GALNT2: variants seen among roughly 807,000 people sequenced by gnomAD.
The protein encoded by GALNT2 is polypeptide N-acetylgalactosaminyltransferase 2.
Under a neutral mutation model 81.4 loss-of-function variants are expected in GALNT2, and 31 were observed. The ratio of observed to expected loss-of-function variants is 0.38; its 90% CI spans 0.29 to 0.51. The LOEUF (loss-of-function observed/expected upper bound fraction) is 0.51, where lower values mean the gene tolerates loss of function less well. GALNT2 is among the 20% of genes least tolerant of loss of function. GALNT2 has a pLI of 0.87. For missense variants in GALNT2, 629 were observed against 765.7 expected (o/e 0.82, Z 2.11); for synonymous variants, 303 against 287.4 (o/e 1.05, Z -0.55).
At position 230,252,428 on chromosome 1, in the gene GALNT2, G is replaced by A. The variant is rs533998051; in HGVS notation, c.1009+1868G>A. On this transcript the variant is annotated intron_variant, in intron 10 of 15. Transcript: ENST00000366672. ...CCTTAACTCTAACAATGGGGGTAAG[G>A]CTCCTTGGGGGCATCATCTGTGTTT... 3.3e-5 allele frequency among the ~76,000 whole-genome samples: 5 copies of A among 152,224 alleles called. No individual in the cohort carries two copies. The South Asian group carries it at 1.0e-3, about 32-fold the overall frequency.
At chr1:230,207,912 CTTTT>C (rs71985436) in intron 3 of GALNT2, among the ~76,000 whole-genome samples, 16,440 of 152,052 alleles carry the variant, frequency 0.11, 1,799 homozygotes, top group East Asian at 0.56. Context: ...CATTTCTTTT[CTTTT>C]TATTTTTAAA....
At chr1:230,211,179 C>T (rs922148955) in intron 3 of GALNT2, among the ~76,000 whole-genome samples, 7 of 152,176 alleles carry the variant, frequency 4.6e-5, no homozygotes, top group Non-Finnish European at 7.3e-5. Flanking sequence ...ATTCTTGTGA[C>T]GGAACCGCTG....
intron 1 of GALNT2, among the ~76,000 whole-genome samples, chr1:230,139,706 C>T (rs889676539): frequency 2.6e-5 from 4 of 152,220 alleles, no homozygotes; most frequent in African/African-American, 9.7e-5. Flanking sequence ...ACAAGCAAAG[C>T]ACTGCGAGCG....
At chr1:230,252,988 A>T (rs2102750951) in intron 10 of GALNT2, among the ~76,000 whole-genome samples, 1 of 151,960 alleles carries the variant, frequency 6.6e-6, no homozygotes, top group Admixed American at 6.6e-5. Context: ...CTGGGATTAC[A>T]GGCATGTGCC....
At chr1:230,203,039 A>G in intron 2 of GALNT2, 98 bp from the exon 3 acceptor site, 1 of 1,326,298 alleles carries the variant, frequency 7.5e-7, no homozygotes. Flanking sequence ...TAAAGAAGCC[A>G]TGGATGTGAT....
At chr1:230,202,068 C>T (rs560085790) in intron 2 of GALNT2, among the ~76,000 whole-genome samples, 35 of 152,232 alleles carry the variant, frequency 2.3e-4, no homozygotes, top group African/African-American at 6.5e-4. Context: ...ATTAAGTCCT[C>T]GTGAAGAACC....
chr1:230,167,427 G>A (rs533988136), intron 1 of GALNT2, among the ~76,000 whole-genome samples: 8 of 152,240 alleles, frequency 5.3e-5, no homozygotes, highest in Admixed American at 2.0e-4. Context: ...GATTACAGTC[G>A]TGAGCCACCA....
chr1:230,186,733 G>A (rs1388022664), intron 2 of GALNT2, among the ~76,000 whole-genome samples: 1 of 152,140 alleles, frequency 6.6e-6, no homozygotes, highest in Non-Finnish European at 1.5e-5. Flanking sequence ...CTTAACTATT[G>A]CATACAGTTG....
chr1:230,086,443 C>G (rs1475202615), intron 1 of GALNT2, among the ~76,000 whole-genome samples: 2 of 152,068 alleles, frequency 1.3e-5, no homozygotes, highest in Non-Finnish European at 2.9e-5. Flanking sequence ...AGAGGGAGGG[C>G]AAGATAAGAG....
At chr1:230,176,977 A>G (rs1239156181) in intron 1 of GALNT2, among the ~76,000 whole-genome samples, 1 of 152,142 alleles carries the variant, frequency 6.6e-6, no homozygotes. Flanking sequence ...TGCCATTTTC[A>G]CGGCAGCCCT....
At chr1:230,232,481 G>A (rs1030714406) in intron 3 of GALNT2, among the ~76,000 whole-genome samples, 1 of 152,086 alleles carries the variant, frequency 6.6e-6, no homozygotes, top group Admixed American at 6.5e-5. Flanking sequence ...TGATTGGATC[G>A]GTTCCGTTTA....
chr1:230,266,758 CT>C (rs1469053182), intron 14 of GALNT2, among the ~76,000 whole-genome samples: 2 of 152,170 alleles, frequency 1.3e-5, no homozygotes, highest in Non-Finnish European at 2.9e-5. Flanking sequence ...CCTGGTTCCC[CT>C]AAATCTCCAG....
intron 1 of GALNT2, among the ~76,000 whole-genome samples, chr1:230,127,037 T>A (rs2102807841): frequency 6.6e-6 from 1 of 152,284 alleles, no homozygotes; most frequent in South Asian, 2.1e-4. Context: ...CTCCCCTCTT[T>A]TTTGGATAGA....
At chr1:230,073,400 C>T (rs189094734) in intron 1 of GALNT2, among the ~76,000 whole-genome samples, 1 of 152,200 alleles carries the variant, frequency 6.6e-6, no homozygotes, top group Non-Finnish European at 1.5e-5. Context: ...ATCCATCTTC[C>T]CTGATGGGCC....
At chr1:230,058,067 A>C (rs573089407) in exon 1 of GALNT2, 3 of 456,280 alleles carry the variant, frequency 6.6e-6, no homozygotes, top group Non-Finnish European at 1.3e-5. Context: ...CGTAGCCCCT[A>C]TGGCTGACAG....
intron 2 of GALNT2, among the ~76,000 whole-genome samples, chr1:230,183,402 G>A (rs1232337728): frequency 7.9e-5 from 12 of 151,716 alleles, no homozygotes; most frequent in Non-Finnish European, 1.5e-5. Context: ...TGAGCTTTCT[G>A]TATGATCCCA....
chr1:230,116,619 A>C (rs1264444541), intron 1 of GALNT2, among the ~76,000 whole-genome samples: 1 of 152,190 alleles, frequency 6.6e-6, no homozygotes, highest in Admixed American at 6.5e-5. Flanking sequence ...AGGCATGGAA[A>C]CAGTATTCAC....
intron 1 of GALNT2, among the ~76,000 whole-genome samples, chr1:230,172,957 GCCATGGATT>G (rs1412525466): frequency 6.6e-6 from 1 of 152,192 alleles, no homozygotes; most frequent in Non-Finnish European, 1.5e-5. Context: ...ACGTCGCTCA[GCCATGGATT>G]CCCGTCTGAT....
At chr1:230,131,419 G>A (rs940280103) in intron 1 of GALNT2, among the ~76,000 whole-genome samples, 4 of 152,108 alleles carry the variant, frequency 2.6e-5, no homozygotes, top group African/African-American at 9.7e-5. Flanking sequence ...TTGACCTGTG[G>A]GCCCTGCTTT....
Sources: gnomAD v4.1 joint callset for allele counts (sites outside exome capture counted in the v4.1 genomes callset) on GRCh38, gnomAD v4.1.1 for gene constraint, MANE v1.5 for transcripts, NCBI Gene and HGNC (gene_info 2026-07-23, HGNC 2026-07-21) for gene names.